PARP16: variants seen among roughly 807,000 people sequenced by gnomAD.
The protein encoded by PARP16 is protein mono-ADP-ribosyltransferase PARP16.
A neutral mutation model predicts 35.0 loss-of-function variants in PARP16; 31 were observed. The observed-to-expected ratio is 0.88, with a 90% confidence interval of 0.66 to 1.19. The LOEUF (loss-of-function observed/expected upper bound fraction) is 1.19, where lower values mean the gene tolerates loss of function less well. Ranked by LOEUF, PARP16 falls within the 50% of genes most tolerant of loss-of-function variation. The pLI is 0.00. For synonymous variants in PARP16, 162 were observed against 169.5 expected, an observed-to-expected ratio of 0.96 and a Z score of 0.34; for missense variants, 424 against 411.2, an observed-to-expected ratio of 1.03 and a Z score of -0.27.
chr15:65,267,673 CCTAA>C (rs1322313043), intron 2 of PARP16, among the ~76,000 whole-genome samples: 8 of 123,426 alleles, frequency 6.5e-5, no homozygotes, highest in African/African-American at 2.1e-4. Flanking sequence ...TTCTAATTTT[CCTAA>C]CTTTTTTTTT....
intron 3 of PARP16, among the ~76,000 whole-genome samples, chr15:65,235,116 G>A (rs888035051): frequency 3.9e-5 from 6 of 151,908 alleles, no homozygotes; most frequent in Middle Eastern, 3.2e-3. Context: ...TGCACGTTGT[G>A]CAAACGTACC....
intron 2 of PARP16, among the ~76,000 whole-genome samples, chr15:65,249,577 C>G (rs936633047): frequency 2.6e-5 from 4 of 152,242 alleles, no homozygotes; most frequent in African/African-American, 9.6e-5. Context: ...TGCAGCCCCA[C>G]CCAGCCAGGC....
chr15:65,266,499 C>T (rs2089894390), intron 3 of PARP16, 63 bp downstream of exon 3: 1 of 1,386,710 alleles, frequency 7.2e-7, no homozygotes, highest in Non-Finnish European at 1.0e-6. Flanking sequence ...GAATCTCCCC[C>T]TCCCCACTCT....
intron 4 of PARP16, 135 bp downstream of exon 4, chr15:65,263,014 C>A (rs751123773): frequency 1.3e-6 from 1 of 749,398 alleles, no homozygotes; most frequent in Non-Finnish European, 2.2e-6. Context: ...TTGGGCAGGA[C>A]CCTGTCCGGC....
intron 3 of PARP16, among the ~76,000 whole-genome samples, chr15:65,243,636 G>A (rs1390030579): frequency 6.6e-6 from 1 of 152,058 alleles, no homozygotes; most frequent in Non-Finnish European, 1.5e-5. Flanking sequence ...TCAATATTCT[G>A]GAAGATTTTA....
intron 1 of PARP16, among the ~76,000 whole-genome samples, chr15:65,274,500 G>A (rs1236083062): frequency 6.6e-6 from 1 of 151,710 alleles, no homozygotes; most frequent in Non-Finnish European, 1.5e-5. Context: ...CTAGAGCCTG[G>A]GAGGTAGAAG....
At chr15:65,246,638 A>G (rs1453639917) in intron 3 of PARP16, among the ~76,000 whole-genome samples, 1 of 152,200 alleles carries the variant, frequency 6.6e-6, no homozygotes, top group Non-Finnish European at 1.5e-5. Flanking sequence ...TCAGGGGCAG[A>G]ATCAGGTCAG....
chr15:65,235,164 G>A (rs2088842744), intron 3 of PARP16, among the ~76,000 whole-genome samples: 2 of 151,910 alleles, frequency 1.3e-5, no homozygotes, highest in Non-Finnish European at 2.9e-5. Flanking sequence ...AAAATTAGCC[G>A]GGCGTAGTGG....
intron 2 of PARP16, among the ~76,000 whole-genome samples, chr15:65,248,808 C>T (rs1197536169): frequency 6.6e-6 from 1 of 152,186 alleles, no homozygotes; most frequent in Non-Finnish European, 1.5e-5. Context: ...CCCCCACAGA[C>T]CCAGGCCAGA....
intron 1 of PARP16, among the ~76,000 whole-genome samples, chr15:65,272,874 T>A (rs2090134002): frequency 6.6e-6 from 1 of 152,214 alleles, no homozygotes; most frequent in Non-Finnish European, 1.5e-5. Flanking sequence ...TTGGTCTATA[T>A]ATGTCCATTT....
At chr15:65,253,109 G>T (rs146372580), downstream of PARP16, among the ~76,000 whole-genome samples, 27 of 150,900 alleles carry the variant, frequency 1.8e-4, no homozygotes, top group East Asian at 4.9e-3. Context: ...CCTCAGCCTG[G>T]GAGACAAGAG....
intron 2 of PARP16, among the ~76,000 whole-genome samples, chr15:65,268,222 C>T (rs778324697): frequency 7.2e-5 from 11 of 152,112 alleles, no homozygotes; most frequent in Non-Finnish European, 1.6e-4. Flanking sequence ...ATATAGCAAA[C>T]AGAGACTTGA....
chr15:65,278,987 T>C (rs1567038506), intron 1 of PARP16, among the ~76,000 whole-genome samples: 1 of 152,096 alleles, frequency 6.6e-6, no homozygotes, highest in African/African-American at 2.4e-5. Flanking sequence ...ACAATTTGCT[T>C]TGCACAAACC....
downstream of PARP16, among the ~76,000 whole-genome samples, chr15:65,257,134 T>C (rs914824617): frequency 6.6e-6 from 1 of 152,022 alleles, no homozygotes; most frequent in Non-Finnish European, 1.5e-5. Context: ...AATACAAAAA[T>C]GGCCGGGCAT....
intron 3 of PARP16, among the ~76,000 whole-genome samples, chr15:65,236,143 G>T (rs2088873413): frequency 6.6e-6 from 1 of 152,110 alleles, no homozygotes; most frequent in Non-Finnish European, 1.5e-5. Flanking sequence ...ACAGGCGTGA[G>T]CCACTGTGCC....
intron 1 of PARP16, among the ~76,000 whole-genome samples, chr15:65,279,092 G>A (rs928800477): frequency 1.3e-5 from 2 of 152,012 alleles, no homozygotes; most frequent in East Asian, 3.8e-4. Flanking sequence ...GACCCTAAAG[G>A]GTTCTCCTAG....
chr15:65,262,810 C>G (rs1263745237), intron 4 of PARP16, among the ~76,000 whole-genome samples: 1 of 152,206 alleles, frequency 6.6e-6, no homozygotes, highest in Non-Finnish European at 1.5e-5. Flanking sequence ...CTTCATCACT[C>G]ACTTTTTAAA....
rs1567013240 is a variant in PARP16 at position 65,250,106 on chromosome 15, C to CTTTTTTTTTTTTTTTTTTTTTTTT, written c.203-1879_203-1878insAAAAAAAAAAAAAAAAAAAAAAAA. On this transcript the variant is annotated intron_variant and NMD_transcript_variant, in intron 2 of 3. Transcript: ENST00000559805. ...CTAGCTGCAGCCTTGCACCTGCTTG[C>CTTTTTTTTTTTTTTTTTTTTTTTT]CTTTTTTTTTTTTTTTTTTTTTTTT... 3.8e-5 allele frequency among the ~76,000 whole-genome samples: 4 copies of CTTTTTTTTTTTTTTTTTTTTTTTT among 104,198 alleles called. 1 individual carries two copies. The highest frequency in any genetic ancestry group is 2.2e-4 in the Admixed American group (2 of 8,944). The allele number at this position is 104,198 out of a possible 152,430, so 68.4% of individuals were successfully genotyped here.
In PARP16 at chr15:65,250,106, C is replaced by CTTTTTTTTTTTTTTTTTTTTTTTTT. The variant is rs1567013240; in HGVS notation, c.203-1879_203-1878insAAAAAAAAAAAAAAAAAAAAAAAAA. ...CTAGCTGCAGCCTTGCACCTGCTTG[C>CTTTTTTTTTTTTTTTTTTTTTTTTT]CTTTTTTTTTTTTTTTTTTTTTTTT... On this transcript the variant is annotated intron_variant and NMD_transcript_variant, in intron 2 of 3. Coordinates refer to the PARP16 transcript ENST00000559805. Among the ~76,000 whole-genome samples the CTTTTTTTTTTTTTTTTTTTTTTTTT allele has an allele frequency of 5.8e-5, 6 of 104,196 alleles. 2 individuals carry two copies. The highest frequency in any genetic ancestry group is 3.8e-5 in the African/African-American group (1 of 26,146). The allele number at this position is 104,196 out of a possible 152,430, so 68.4% of individuals were successfully genotyped here. A position where few individuals can be genotyped will look rare whatever the true frequency, so the allele number is the denominator to read the frequency against.
Sources: gnomAD v4.1 joint callset for allele counts (sites outside exome capture counted in the v4.1 genomes callset) on GRCh38, gnomAD v4.1.1 for gene constraint, MANE v1.5 for transcripts, NCBI Gene and HGNC (gene_info 2026-07-23, HGNC 2026-07-21) for gene names.